USP24: variants seen among roughly 807,000 people sequenced by gnomAD.
The protein encoded by USP24 is ubiquitin carboxyl-terminal hydrolase 24.
In USP24, 97 loss-of-function variants were observed where a neutral mutation model predicts 361.6. That is an observed-to-expected ratio of 0.27 (90% CI 0.23 to 0.32). The LOEUF is 0.32. USP24 is among the 10% of genes least tolerant of loss of function. USP24 has a pLI of 1.00. For missense variants in USP24, 2,353 were observed against 3,165.6 expected (o/e 0.74, Z 6.16); for synonymous variants, 1,098 against 1,124.6 (o/e 0.98, Z 0.47).
At chr1:55,201,295 C>G (rs76065750) in intron 1 of USP24, among the ~76,000 whole-genome samples, 3,880 of 152,048 alleles carry the variant, frequency 0.026, 61 homozygotes, top group Non-Finnish European at 0.037. Flanking sequence ...TACAGAAAAC[C>G]AGACCCTGCT....
chr1:55,115,880 A>G (rs1249737830), intron 38 of USP24, among the ~76,000 whole-genome samples: 3 of 152,232 alleles, frequency 2.0e-5, no homozygotes, highest in Admixed American at 2.0e-4. Flanking sequence ...ACACAGATGA[A>G]GCTGGAAATC....
chr1:55,096,654 G>A, intron 49 of USP24, 32 bp from the exon 50 acceptor site: 1 of 1,588,716 alleles, frequency 6.3e-7, no homozygotes. Context: ...AACATTATAA[G>A]GTTAAAAAAA....
rs1647100872 is a variant in USP24, at chr1:55,148,508, T to C, written c.1923A>G (p.Glu641=). Residue 641 remains glutamate, a synonymous_variant, in exon 17 of 68, where the codon GAA becomes GAG. Transcript: ENST00000294383. ...TTTGTTTTATGAATGAGCGAGTAAT[T>C]TCATGGAGCTGACGCAAAGCTGGTA... The part of the protein sequence containing the change: ...WVVPALRQLH[E]ITRSFIKQTY... 12 of 1,596,360 alleles carry C rather than the reference T, an allele frequency of 7.5e-6. No individual in the cohort carries two copies. The highest frequency in any genetic ancestry group is 1.3e-5 in the African/African-American group (1 of 74,796).
At chr1:55,181,623 C>T (rs185222796) in intron 1 of USP24, among the ~76,000 whole-genome samples, 4 of 152,208 alleles carry the variant, frequency 2.6e-5, no homozygotes, top group East Asian at 3.9e-4. Flanking sequence ...AGTGGGTATA[C>T]GTCATTACTA....
At chr1:55,178,881 A>G (rs1650285137) in intron 1 of USP24, among the ~76,000 whole-genome samples, 1 of 151,766 alleles carries the variant, frequency 6.6e-6, no homozygotes, top group Admixed American at 6.6e-5. Context: ...AAACAAAACA[A>G]ACAACAACAA....
chr1:55,101,027 A>G, intron 43 of USP24, 63 bp from the exon 44 acceptor site: 1 of 1,575,100 alleles, frequency 6.3e-7, no homozygotes, highest in Non-Finnish European at 8.6e-7. Context: ...AAACTCTGAC[A>G]TATGTACATG....
chr1:55,195,230 T>C (rs114173355), intron 1 of USP24, among the ~76,000 whole-genome samples: 1,604 of 152,278 alleles, frequency 0.011, 28 homozygotes, highest in African/African-American at 0.037. Context: ...TTCCAAACCT[T>C]CTGCTGGAGC....
chr1:55,100,830 G>C lies in USP24; in HGVS notation c.5271+9C>G. The C allele has an allele frequency of 1.2e-6, 2 of 1,602,922 alleles. No individual in the cohort carries two copies. The highest frequency in any genetic ancestry group is 1.7e-4 in the Middle Eastern group (1 of 6,022). On this transcript the variant is annotated intron_variant, in intron 44 of 67. Transcript: ENST00000294383. ...ATCTTTAAATCTCAAGAGTTACTGGGTGAAATACCTTCCAAAAATTCTCAG... is the reference window on the plus strand; with the variant it reads ...ATCTTTAAATCTCAAGAGTTACTGGCTGAAATACCTTCCAAAAATTCTCAG...
At chr1:55,093,212 G>A (rs1189058462) in intron 52 of USP24, among the ~76,000 whole-genome samples, 2 of 152,190 alleles carry the variant, frequency 1.3e-5, no homozygotes, top group African/African-American at 2.4e-5. Flanking sequence ...GGTAGAAGGG[G>A]ATAAACAGAG....
intron 24 of USP24, among the ~76,000 whole-genome samples, chr1:55,140,197 C>A (rs778918725): frequency 6.6e-6 from 1 of 151,382 alleles, no homozygotes; most frequent in African/African-American, 2.4e-5. Flanking sequence ...GAAATGATTC[C>A]GAATAAAAAG....
rs576150321 is a variant in USP24, at chr1:55,070,215, G to A, written c.7801-1108C>T. Among the ~76,000 whole-genome samples the A allele has an allele frequency of 4.6e-5, 7 of 152,228 alleles. No homozygotes were observed. In the South Asian group the frequency reaches 6.2e-4, roughly 14 times the overall value. On this transcript the variant is annotated intron_variant, in intron 67 of 67. Coordinates refer to ENST00000294383, the MANE Select transcript of USP24 (RefSeq NM_015306.3). ...GAGGGGCTGGGCACATCGAGTCTGA[G>A]GTCTTTAAGGTATGCCAAGTGGAGA...
chr1:55,205,096 G>C (rs1448518208), intron 1 of USP24, among the ~76,000 whole-genome samples: 1 of 152,162 alleles, frequency 6.6e-6, no homozygotes, highest in Non-Finnish European at 1.5e-5. Context: ...TACTGCTACA[G>C]GTCACAGGAA....
intron 63 of USP24, 147 bp from the exon 64 acceptor site, chr1:55,074,053 G>A (rs1325780928): frequency 9.2e-5 from 38 of 413,878 alleles, no homozygotes; most frequent in Non-Finnish European, 1.6e-4. Flanking sequence ...GGTGGTGCCT[G>A]ACTCAACAGA....
chr1:55,164,903 T>C lies in USP24; in HGVS notation c.927+982A>G, dbSNP rs79768220. 2.4e-4 allele frequency among the ~76,000 whole-genome samples: 37 copies of C among 152,154 alleles called. No individual in the cohort carries two copies. In the East Asian group the frequency reaches 6.9e-3, roughly 29 times the overall value. On this transcript the variant is annotated intron_variant, in intron 7 of 67. Coordinates refer to ENST00000294383, the MANE Select transcript of USP24 (RefSeq NM_015306.3). ...CAACTCAATGAAGTCCTTTCCAACATACTTGATCTATTGAATGGGGATCAC... is the reference window on the plus strand; with the variant it reads ...CAACTCAATGAAGTCCTTTCCAACACACTTGATCTATTGAATGGGGATCAC...
At chr1:55,118,543 C>T (rs576925472) in intron 38 of USP24, among the ~76,000 whole-genome samples, 6 of 152,172 alleles carry the variant, frequency 3.9e-5, no homozygotes, top group African/African-American at 1.4e-4. Context: ...CAGGATTTGG[C>T]CATAATTTCC....
At chr1:55,144,344 C>A in intron 20 of USP24, 141 bp from the exon 21 acceptor site, 7 of 472,186 alleles carry the variant, frequency 1.5e-5, no homozygotes, top group South Asian at 1.0e-4. Context: ...GCAGAAGCAA[C>A]AAAAGAAAAT....
intron 38 of USP24, 143 bp from the exon 39 acceptor site, chr1:55,110,389 T>C: frequency 1.6e-6 from 1 of 626,048 alleles, no homozygotes; most frequent in Non-Finnish European, 2.7e-6. Context: ...TCAAATTCCA[T>C]ATTTTAGCAA....
At chr1:55,091,916 TA>T in intron 54 of USP24, 106 bp downstream of exon 54, 1 of 823,446 alleles carries the variant, frequency 1.2e-6, no homozygotes, top group Non-Finnish European at 1.9e-6. Context: ...GTCCTCTGAA[TA>T]AAATTAGGTA....
Position 55,092,915 on chromosome 1 carries a change from A to G in USP24, c.6356T>C (p.Met2119Thr), listed in dbSNP as rs557202724. 1.3e-6 allele frequency: 2 copies of G among 1,545,230 alleles called. No homozygotes were observed. Among genetic ancestry groups the G allele is most frequent in the African/African-American group, 1.4e-5 (1 of 71,212 alleles). The change falls in exon 53 of 68, where the codon ATG becomes ACG. Residue 2119 changes from methionine to threonine, a missense_variant and splice_region_variant. By Grantham distance (81) the Met-to-Thr change is moderately conservative. Around this residue, in one of 8 missense-constraint regions of USP24, gnomAD observed 598 missense variants for 761.9 expected, o/e 0.78. Transcript: ENST00000294383. ...AAACTTGAGGTTCTCATCTCTCACCATCTACAAAAGAAGATTAATAATTAT... is the reference window on the plus strand; with the variant it reads ...AAACTTGAGGTTCTCATCTCTCACCGTCTACAAAAGAAGATTAATAATTAT... ...VEKMPARIYQMVRDENLKFMK... is the reference protein window; with the variant it reads ...VEKMPARIYQTVRDENLKFMK...
Sources: gnomAD v4.1 joint callset for allele counts (sites outside exome capture counted in the v4.1 genomes callset) on GRCh38, gnomAD v4.1.1 for gene constraint, gnomAD v4.1.1 regional missense constraint, MANE v1.5 for transcripts, NCBI Gene and HGNC (gene_info 2026-07-23, HGNC 2026-07-21) for gene names.